HS6ST2: variants seen among roughly 807,000 people sequenced by gnomAD.
The protein encoded by HS6ST2 is heparan-sulfate 6-O-sulfotransferase 2.
A neutral mutation model predicts 33.0 loss-of-function variants in HS6ST2; 17 were observed. That is an observed-to-expected ratio of 0.52 (90% CI 0.35 to 0.77). The LOEUF (loss-of-function observed/expected upper bound fraction) is 0.77, where lower values mean the gene tolerates loss of function less well. HS6ST2 is among the 30% of genes least tolerant of loss of function. The pLI, the probability that HS6ST2 is intolerant of heterozygous loss-of-function variation, is 0.01. For synonymous variants in HS6ST2, 248 were observed against 237.1 expected (o/e 1.05, Z -0.42); for missense variants, 519 against 551.7 (o/e 0.94, Z 0.59).
chrX:132,844,907 C>A (rs997650025), intron 2 of HS6ST2, among the ~76,000 whole-genome samples: 5 of 109,461 alleles, frequency 4.6e-5, no homozygotes, highest in Admixed American at 9.8e-5. Context: ...CACCATACGT[C>A]GTGCTAGATG....
At chrX:132,804,373 C>T (rs1252229998) in intron 2 of HS6ST2, among the ~76,000 whole-genome samples, 1 of 112,149 alleles carries the variant, frequency 8.9e-6, no homozygotes, top group African/African-American at 3.2e-5. Flanking sequence ...AACACATGCA[C>T]CAGAGGCTGG....
intron 2 of HS6ST2, among the ~76,000 whole-genome samples, chrX:132,891,999 G>C (rs912579593): frequency 2.5e-4 from 28 of 111,705 alleles, no homozygotes; most frequent in Admixed American, 2.9e-4. Context: ...TACAGTCCCA[G>C]CAACAGTGTA....
intron 2 of HS6ST2, among the ~76,000 whole-genome samples, chrX:132,827,661 C>A: frequency 9.0e-6 from 1 of 111,088 alleles, no homozygotes; most frequent in Non-Finnish European, 1.9e-5. Flanking sequence ...CATATGAAAG[C>A]CCCTAACGTT....
intron 2 of HS6ST2, among the ~76,000 whole-genome samples, chrX:132,860,481 C>G (rs780225917): frequency 8.9e-6 from 1 of 112,072 alleles, no homozygotes; most frequent in East Asian, 2.8e-4. Flanking sequence ...TAAAGCAGTG[C>G]TTTCTTCTAC....
At chrX:132,741,290 GT>G (rs1326104602) in intron 2 of HS6ST2, among the ~76,000 whole-genome samples, 2 of 106,254 alleles carry the variant, frequency 1.9e-5, no homozygotes, top group Non-Finnish European at 3.9e-5. Context: ...CACGGGTTTT[GT>G]TTTTGGTTTT....
At chrX:132,794,574 G>GATGATGATGATTATTATTATTATT (rs916088563) in intron 2 of HS6ST2, among the ~76,000 whole-genome samples, 3 of 99,097 alleles carry the variant, frequency 3.0e-5, no homozygotes, top group East Asian at 3.2e-4. Flanking sequence ...TGATGATGAT[G>GATGATGATGATTATTATTATTATT]ATTATTATTA....
At chrX:132,754,752 C>A (rs2064741946) in intron 2 of HS6ST2, among the ~76,000 whole-genome samples, 1 of 110,148 alleles carries the variant, frequency 9.1e-6, no homozygotes, top group Non-Finnish European at 1.9e-5. Context: ...TGCTCTGCTG[C>A]CCAGGCTGGA....
chrX:132,658,768 T>C (rs1390137440), intron 4 of HS6ST2, among the ~76,000 whole-genome samples: 1 of 112,514 alleles, frequency 8.9e-6, no homozygotes, highest in Non-Finnish European at 1.9e-5. Context: ...TAAAGTGCTT[T>C]ACAAGCAAAT....
chrX:132,833,132 A>AT (rs200876785), intron 2 of HS6ST2, among the ~76,000 whole-genome samples: 1 of 111,957 alleles, frequency 8.9e-6, no homozygotes, highest in African/African-American at 3.2e-5. Flanking sequence ...CCATGTTTTC[A>AT]TTTTTTTAAA....
intron 2 of HS6ST2, among the ~76,000 whole-genome samples, chrX:132,846,122 C>G (rs1047051713): frequency 8.9e-6 from 1 of 112,119 alleles, no homozygotes; most frequent in African/African-American, 3.2e-5. Flanking sequence ...TCACATGTCA[C>G]AAAATCTTCT....
chrX:132,684,025 G>T (rs927800210), intron 3 of HS6ST2, among the ~76,000 whole-genome samples: 1 of 109,577 alleles, frequency 9.1e-6, no homozygotes, highest in African/African-American at 3.3e-5. Flanking sequence ...GAATGCTGGG[G>T]TTAGCTCTGA....
intron 2 of HS6ST2, among the ~76,000 whole-genome samples, chrX:132,773,206 T>C (rs2064924853): frequency 9.8e-6 from 1 of 101,931 alleles, no homozygotes; most frequent in Non-Finnish European, 2.0e-5. Flanking sequence ...ATGTAATATA[T>C]AATAAATATG....
intron 2 of HS6ST2, among the ~76,000 whole-genome samples, chrX:132,919,824 A>C (rs2066632498): frequency 8.9e-6 from 1 of 111,809 alleles, no homozygotes; most frequent in Non-Finnish European, 1.9e-5. Flanking sequence ...CTTCTCACTG[A>C]AACGATTTAA....
intron 2 of HS6ST2, chrX:132,808,768 G>A (rs1602700926): frequency 8.9e-6 from 1 of 111,997 alleles, no homozygotes; most frequent in East Asian, 2.8e-4. Flanking sequence ...TGGGACGCAT[G>A]TGGTGAGGGT....
chrX:132,658,126 C>G (rs1237734602), intron 4 of HS6ST2, among the ~76,000 whole-genome samples: 2 of 110,819 alleles, frequency 1.8e-5, no homozygotes, highest in African/African-American at 6.6e-5. Flanking sequence ...CTGGGAGAAT[C>G]ATTACCTTGG....
chrX:132,688,621 T>G (rs758551764), intron 3 of HS6ST2, among the ~76,000 whole-genome samples: 4 of 111,272 alleles, frequency 3.6e-5, no homozygotes, highest in African/African-American at 1.3e-4. Context: ...CCCCCTATCA[T>G]GAGAACAGCA....
chrX:132,715,895 T>C (rs1435514467), intron 2 of HS6ST2, among the ~76,000 whole-genome samples: 1 of 112,863 alleles, frequency 8.9e-6, no homozygotes, highest in Non-Finnish European at 1.9e-5. Context: ...CTACATCACA[T>C]GGTAACAATC....
intron 2 of HS6ST2, chrX:132,758,406 T>C (rs1357392456): frequency 1.8e-5 from 2 of 112,020 alleles, no homozygotes; most frequent in Admixed American, 1.9e-4. Flanking sequence ...ACACTCTTCA[T>C]ATATTTCCTT....
At chrX:132,868,911 G>A (rs1182767074) in intron 2 of HS6ST2, among the ~76,000 whole-genome samples, 1 of 109,786 alleles carries the variant, frequency 9.1e-6, no homozygotes, top group African/African-American at 3.3e-5. Flanking sequence ...CCTAGCAGAA[G>A]ACAAGAAATA....
Sources: gnomAD v4.1 joint callset for allele counts (sites outside exome capture counted in the v4.1 genomes callset) on GRCh38, gnomAD v4.1.1 for gene constraint, MANE v1.5 for transcripts, NCBI Gene and HGNC (gene_info 2026-07-23, HGNC 2026-07-21) for gene names.